GPC5: variants seen among roughly 807,000 people sequenced by gnomAD.
The protein encoded by GPC5 is glypican 5, also known as glypican-5.
Under a neutral mutation model 53.9 loss-of-function variants are expected in GPC5, and 47 were observed. The observed-to-expected ratio is 0.87, with a 90% CI of 0.69 to 1.11. The LOEUF (loss-of-function observed/expected upper bound fraction) is 1.11, where lower values mean the gene tolerates loss of function less well. Ranked by LOEUF, GPC5 falls within the 50% of genes most tolerant of loss-of-function variation. The pLI, the probability that GPC5 is intolerant of heterozygous loss-of-function variation, is 0.00. For missense variants in GPC5, 748 were observed against 713.1 expected, an observed-to-expected ratio of 1.05 and a Z score of -0.56; for synonymous variants, 286 against 263.3, an observed-to-expected ratio of 1.09 and a Z score of -0.84.
chr13:92,239,505 A>G (rs1450013208), intron 7 of GPC5, among the ~76,000 whole-genome samples: 1 of 152,006 alleles, frequency 6.6e-6, no homozygotes, highest in Admixed American at 6.6e-5. Context: ...CAATATATAC[A>G]ACACACCACT....
chr13:92,136,173 A>C (rs2138969443), intron 6 of GPC5, among the ~76,000 whole-genome samples: 1 of 152,268 alleles, frequency 6.6e-6, no homozygotes, highest in South Asian at 2.1e-4. Context: ...TTGTAGAGAT[A>C]AATTTAAAAT....
At chr13:92,511,593 C>T (rs952852974) in intron 7 of GPC5, among the ~76,000 whole-genome samples, 13 of 152,116 alleles carry the variant, frequency 8.5e-5, no homozygotes, top group Admixed American at 5.2e-4. Flanking sequence ...TTTCTGTGAC[C>T]ATTTTTGGAT....
At chr13:92,193,485 GATAAT>G (rs1448387616) in intron 7 of GPC5, among the ~76,000 whole-genome samples, 1 of 152,106 alleles carries the variant, frequency 6.6e-6, no homozygotes, top group Non-Finnish European at 1.5e-5. Flanking sequence ...TCCTATATTG[GATAAT>G]AGATGAGAGA....
chr13:92,370,423 C>T (rs1303726487), intron 7 of GPC5, among the ~76,000 whole-genome samples: 2 of 151,924 alleles, frequency 1.3e-5, no homozygotes, highest in Admixed American at 1.3e-4. Context: ...ATTATGTCAG[C>T]AAAATTGATG....
intron 7 of GPC5, among the ~76,000 whole-genome samples, chr13:92,850,605 GA>G (rs916485233): frequency 1.6e-4 from 24 of 148,056 alleles, no homozygotes; most frequent in Middle Eastern, 3.5e-3. Context: ...TCTCAAGAAA[GA>G]AAAAAAAAAT....
intron 7 of GPC5, among the ~76,000 whole-genome samples, chr13:92,444,079 G>T (rs151016545): frequency 1.3e-5 from 2 of 152,148 alleles, no homozygotes; most frequent in Admixed American, 6.6e-5. Context: ...TCGACCTGCC[G>T]TGTGGTTCAA....
At chr13:92,279,640 A>G (rs1422828558) in intron 7 of GPC5, among the ~76,000 whole-genome samples, 1 of 151,756 alleles carries the variant, frequency 6.6e-6, no homozygotes, top group Non-Finnish European at 1.5e-5. Context: ...AAGGGTATTG[A>G]ATTTTATCTT....
intron 7 of GPC5, among the ~76,000 whole-genome samples, chr13:92,264,874 CTCTCTGTGTG>C (rs1260000194): frequency 2.1e-4 from 25 of 116,626 alleles, no homozygotes; most frequent in African/African-American, 5.2e-4. Flanking sequence ...CTCTCTCTCT[CTCTCTGTGTG>C]TGTGTGTGTG....
intron 7 of GPC5, among the ~76,000 whole-genome samples, chr13:92,211,839 T>G (rs1180080548): frequency 6.6e-6 from 1 of 152,234 alleles, no homozygotes; most frequent in Non-Finnish European, 1.5e-5. Context: ...AGGTTTCGTC[T>G]GTTCCTATTG....
intron 7 of GPC5, among the ~76,000 whole-genome samples, chr13:92,857,011 T>C (rs116160911): frequency 6.6e-6 from 1 of 151,932 alleles, no homozygotes; most frequent in Non-Finnish European, 1.5e-5. Flanking sequence ...AAAGCCTGAA[T>C]AGCCAAAGCA....
intron 6 of GPC5, among the ~76,000 whole-genome samples, chr13:92,112,312 A>G (rs2041563822): frequency 6.6e-6 from 1 of 152,104 alleles, no homozygotes; most frequent in Admixed American, 6.6e-5. Context: ...ATAAAAATAT[A>G]CCAGATAGAA....
intron 2 of GPC5, among the ~76,000 whole-genome samples, chr13:91,632,810 T>C (rs1184985458): frequency 6.6e-6 from 1 of 152,184 alleles, no homozygotes; most frequent in African/African-American, 2.4e-5. Flanking sequence ...GGCTATGTCC[T>C]CCCTAATTCC....
chr13:92,527,214 A>AGAAAG (rs1491195451), intron 7 of GPC5, among the ~76,000 whole-genome samples: 4 of 34,814 alleles, frequency 1.1e-4, no homozygotes, highest in Admixed American at 7.5e-4. Context: ...AGAAAGAAAG[A>AGAAAG]AAGAAAGAAA....
chr13:92,604,132 G>A (rs996836220), intron 7 of GPC5, among the ~76,000 whole-genome samples: 4 of 152,088 alleles, frequency 2.6e-5, no homozygotes, highest in South Asian at 2.1e-4. Context: ...ATCATAAAGC[G>A]GTATTAACCC....
At chr13:92,477,082 A>T (rs1355456708) in intron 7 of GPC5, among the ~76,000 whole-genome samples, 3 of 151,282 alleles carry the variant, frequency 2.0e-5, no homozygotes, top group African/African-American at 7.3e-5. Flanking sequence ...AATAAATAAA[A>T]AGAAAATAAA....
At chr13:91,487,592 G>T (rs527376288) in intron 2 of GPC5, among the ~76,000 whole-genome samples, 1 of 152,240 alleles carries the variant, frequency 6.6e-6, no homozygotes, top group South Asian at 2.1e-4. Flanking sequence ...GTATACCGTG[G>T]TGTTATATTT....
chr13:92,851,499 T>C (rs1878797417), intron 7 of GPC5, among the ~76,000 whole-genome samples: 1 of 152,172 alleles, frequency 6.6e-6, no homozygotes, highest in African/African-American at 2.4e-5. Flanking sequence ...TCTCCCTTTG[T>C]GTACATGGTA....
intron 7 of GPC5, among the ~76,000 whole-genome samples, chr13:92,161,351 G>A (rs2041986653): frequency 6.6e-6 from 1 of 152,090 alleles, no homozygotes; most frequent in African/African-American, 2.4e-5. Flanking sequence ...CTGCCACAGT[G>A]CCTCCAAACA....
intron 7 of GPC5, among the ~76,000 whole-genome samples, chr13:92,275,425 A>G (rs2042868479): frequency 6.6e-6 from 1 of 152,196 alleles, no homozygotes; most frequent in Admixed American, 6.6e-5. Context: ...TAATGCAATG[A>G]AATTGACTTC....
Sources: allele counts gnomAD v4.1 joint callset (sites outside exome capture counted in the v4.1 genomes callset), GRCh38; gene constraint gnomAD v4.1.1; transcripts MANE v1.5; gene names NCBI Gene and HGNC (gene_info 2026-07-23, HGNC 2026-07-21).